The following CPA6 variants were observed in gnomAD, a reference collection of about 807,000 sequenced individuals.
CPA6 encodes carboxypeptidase B.
CPA6 carries 58 observed loss-of-function variants against 63.3 expected under a neutral mutation model. The ratio of observed to expected loss-of-function variants is 0.92; its 90% CI spans 0.74 to 1.14. CPA6 has a LOEUF of 1.14. Among genes scored for constraint, CPA6 ranks in the 50% most tolerant of loss-of-function variants. The pLI is 0.00. For missense variants in CPA6, 565 were observed against 526.6 expected (o/e 1.07, Z -0.71); for synonymous variants, 185 against 179.0 (o/e 1.03, Z -0.27).
intron 2 of CPA6, among the ~76,000 whole-genome samples, chr8:67,619,097 A>G (rs1179777162): frequency 6.6e-6 from 1 of 152,238 alleles, no homozygotes; most frequent in African/African-American, 2.4e-5. Flanking sequence ...TCCGTTCAAC[A>G]TGCACATGCA....
At chr8:67,594,214 C>T (rs1814224354) in intron 2 of CPA6, among the ~76,000 whole-genome samples, 2 of 152,172 alleles carry the variant, frequency 1.3e-5, no homozygotes, top group Admixed American at 1.3e-4. Flanking sequence ...GATTGGCCCC[C>T]ACTCTCTTCT....
chr8:67,465,593 C>T lies in CPA6; in HGVS notation c.838+18175G>A, dbSNP rs1233032300. Among the ~76,000 whole-genome samples the T allele has an allele frequency of 1.3e-5, 2 of 152,042 alleles. 1 individual carries two copies. Among genetic ancestry groups the T allele is most frequent in the Non-Finnish European group, 2.9e-5 (2 of 68,028 alleles). The stretch of plus-strand genomic sequence containing the variant: ...GTTCCAGTTCACAAGGGGAATGCTT[C>T]TAGTTTTTCCCGTTCAGTATGATGT... On this transcript the variant is annotated intron_variant, in intron 8 of 10. Transcript: ENST00000297770.
At chr8:67,531,519 C>T (rs1030164130) in intron 2 of CPA6, among the ~76,000 whole-genome samples, 1 of 151,924 alleles carries the variant, frequency 6.6e-6, no homozygotes, top group Non-Finnish European at 1.5e-5. Context: ...CAGTATATAT[C>T]GCTATATACA....
At chr8:67,475,924 TTCTTTC>T (rs1563968254) in intron 8 of CPA6, among the ~76,000 whole-genome samples, 1 of 92,656 alleles carries the variant, frequency 1.1e-5, no homozygotes, top group African/African-American at 4.6e-5. Context: ...CTTTCTTTCT[TTCTTTC>T]TTTCTCTTTC....
chr8:67,689,726 C>T (rs151088239), intron 1 of CPA6, among the ~76,000 whole-genome samples: 86 of 152,276 alleles, frequency 5.6e-4, no homozygotes, highest in Non-Finnish European at 9.7e-4. Flanking sequence ...AATAGTGCTG[C>T]GATGAACATA....
chr8:67,719,092 C>T (rs1817442144), intron 1 of CPA6, among the ~76,000 whole-genome samples: 1 of 152,032 alleles, frequency 6.6e-6, no homozygotes. Flanking sequence ...AGCTAGGCTC[C>T]AAATCTAGTC....
chr8:67,709,455 G>A (rs769465496), intron 1 of CPA6, among the ~76,000 whole-genome samples: 45 of 152,214 alleles, frequency 3.0e-4, no homozygotes, highest in Non-Finnish European at 5.3e-4. Context: ...CAAGAATCAA[G>A]TTGCTGCATA....
intron 1 of CPA6, among the ~76,000 whole-genome samples, chr8:67,668,974 G>T (rs1816288336): frequency 6.6e-6 from 1 of 152,202 alleles, no homozygotes; most frequent in Non-Finnish European, 1.5e-5. Context: ...GAAAGGGGCA[G>T]CTGCAGGTGA....
intron 2 of CPA6, among the ~76,000 whole-genome samples, chr8:67,583,367 T>C (rs1343714633): frequency 6.6e-6 from 1 of 152,176 alleles, no homozygotes; most frequent in Non-Finnish European, 1.5e-5. Flanking sequence ...CCTGAGTAGA[T>C]ACCATAATGG....
At chr8:67,427,046 C>T (rs1809902981) in intron 10 of CPA6, among the ~76,000 whole-genome samples, 1 of 152,150 alleles carries the variant, frequency 6.6e-6, no homozygotes, top group Admixed American at 6.5e-5. Flanking sequence ...TTGTTGAAAA[C>T]ATTGGAGATT....
chr8:67,607,642 T>C (rs547954330), intron 2 of CPA6, among the ~76,000 whole-genome samples: 1 of 152,288 alleles, frequency 6.6e-6, no homozygotes, highest in South Asian at 2.1e-4. Context: ...CCCAGGTATT[T>C]CCAACTACTT....
intron 2 of CPA6, among the ~76,000 whole-genome samples, chr8:67,558,865 C>T (rs187877878): frequency 8.9e-4 from 135 of 152,242 alleles, no homozygotes; most frequent in African/African-American, 3.0e-3. Flanking sequence ...GCCCTGAGTA[C>T]TAGCTCAAAA....
chr8:67,650,975 G>A (rs1353936995), intron 1 of CPA6, among the ~76,000 whole-genome samples: 1 of 152,138 alleles, frequency 6.6e-6, no homozygotes, highest in Non-Finnish European at 1.5e-5. Flanking sequence ...CAGCTCAGGA[G>A]TAAGTTTAAG....
At chr8:67,507,144 T>C (rs1811946830) in intron 5 of CPA6, among the ~76,000 whole-genome samples, 1 of 152,056 alleles carries the variant, frequency 6.6e-6, no homozygotes, top group Non-Finnish European at 1.5e-5. Context: ...GGTTGCTTCT[T>C]TATTTTTAAA....
At chr8:67,551,982 T>C (rs73266660) in intron 2 of CPA6, among the ~76,000 whole-genome samples, 14,211 of 152,244 alleles carry the variant, frequency 0.093, 1,882 homozygotes, top group African/African-American at 0.3. Context: ...TCTGATCATC[T>C]GATGTAATAA....
chr8:67,560,550 G>A (rs139855722), intron 2 of CPA6, among the ~76,000 whole-genome samples: 1 of 152,290 alleles, frequency 6.6e-6, no homozygotes, highest in Non-Finnish European at 1.5e-5. Flanking sequence ...GTAGGGAGCA[G>A]AGGCACAAGG....
At chr8:67,460,666 C>T (rs139159780) in intron 8 of CPA6, among the ~76,000 whole-genome samples, 1 of 152,230 alleles carries the variant, frequency 6.6e-6, no homozygotes, top group African/African-American at 2.4e-5. Flanking sequence ...GATGCCAAAA[C>T]CTCATTTTAA....
chr8:67,542,615 T>G (rs1327098014), intron 2 of CPA6, among the ~76,000 whole-genome samples: 2 of 152,250 alleles, frequency 1.3e-5, no homozygotes, highest in African/African-American at 2.4e-5. Context: ...TTGCCATGAT[T>G]GGTAATTTAG....
At chr8:67,522,045 TGA>T (rs1379530313) in intron 2 of CPA6, among the ~76,000 whole-genome samples, 1 of 152,106 alleles carries the variant, frequency 6.6e-6, no homozygotes, top group African/African-American at 2.4e-5. Context: ...AGGTACCCGG[TGA>T]AACCCGATCT....
Sources: gnomAD v4.1 joint callset for allele counts (sites outside exome capture counted in the v4.1 genomes callset) on GRCh38, gnomAD v4.1.1 for gene constraint, MANE v1.5 for transcripts, NCBI Gene and HGNC (gene_info 2026-07-23, HGNC 2026-07-21) for gene names.